The following RGS10 variants were observed in gnomAD, a reference collection of about 807,000 sequenced individuals.
RGS10 encodes the protein regulator of G-protein signalling 10.
Under a neutral mutation model 23.5 loss-of-function variants are expected in RGS10, and 11 were observed. That is an observed-to-expected ratio of 0.47 (90% confidence interval 0.29 to 0.77). The LOEUF is 0.77. Ranked by LOEUF, RGS10 falls within the 30% of genes least tolerant of loss-of-function variation. The pLI, the probability that RGS10 is intolerant of heterozygous loss-of-function variation, is 0.08. For synonymous variants in RGS10, 77 were observed against 83.2 expected (o/e 0.92, Z 0.41); for missense variants, 180 against 226.3 (o/e 0.80, Z 1.31).
intron 4 of RGS10, among the ~76,000 whole-genome samples, chr10:119,511,343 C>T (rs1844074201): frequency 6.6e-6 from 1 of 152,096 alleles, no homozygotes; most frequent in Admixed American, 6.6e-5. Flanking sequence ...TGGCTGGACA[C>T]AGTAGTAGCT....
At position 119,521,418 on chromosome 10, in the gene RGS10, A is replaced by G. The variant is rs534568464; in HGVS notation, c.255+4614T>C. Among the ~76,000 whole-genome samples the G allele has an allele frequency of 1.3e-4, 20 of 152,036 alleles. 1 individual carries two copies. The South Asian group carries it at 3.1e-3, about 24-fold the overall frequency. The stretch of plus-strand genomic sequence containing the variant: ...AAACCCCATCTCTACTAAAAATACA[A>G]AATTAGCTGGGTGTGTTGGAGGGTG... On this transcript the variant is annotated intron_variant, in intron 3 of 4. Transcript: ENST00000369103.
chr10:119,501,748 T>A (rs3009904), intron 4 of RGS10, among the ~76,000 whole-genome samples: 150,579 of 152,018 alleles, frequency 0.99, 74,590 homozygotes, highest in Middle Eastern at 1. Context: ...AAATAAAAAT[T>A]AAAAATAAAA....
intron 1 of RGS10, among the ~76,000 whole-genome samples, chr10:119,529,974 C>T (rs1422888704): frequency 6.6e-6 from 1 of 152,070 alleles, no homozygotes; most frequent in Non-Finnish European, 1.5e-5. Context: ...TGTCTGTAAT[C>T]CCAGCTACCA....
chr10:119,506,231 A>T lies in RGS10; in HGVS notation c.400-5972T>A, dbSNP rs532604612. Reference sequence around the variant, plus strand: ...TAAAGTGAAGACCACCTCCCTCTCAAGTGGGAACGGGCTGCACCCAGGAGG... The same window carrying T: ...TAAAGTGAAGACCACCTCCCTCTCATGTGGGAACGGGCTGCACCCAGGAGG... On this transcript the variant is annotated intron_variant, in intron 4 of 4. Transcript: ENST00000369103. Among the ~76,000 whole-genome samples the T allele has an allele frequency of 2.6e-5, 4 of 152,346 alleles. No homozygotes were observed. The East Asian group carries it at 7.7e-4, about 29-fold the overall frequency.
At chr10:119,534,676 G>A (rs1844368694) in intron 1 of RGS10, among the ~76,000 whole-genome samples, 1 of 150,920 alleles carries the variant, frequency 6.6e-6, no homozygotes, top group Admixed American at 6.6e-5. Flanking sequence ...AGATCACGAG[G>A]TCAAGAGATC....
intron 1 of RGS10, among the ~76,000 whole-genome samples, chr10:119,537,191 G>T (rs1186927064): frequency 6.6e-6 from 1 of 152,042 alleles, no homozygotes; most frequent in African/African-American, 2.4e-5. Context: ...TCGGGAGTTT[G>T]AGACCAGCCC....
chr10:119,500,212 A>G lies in RGS10; in HGVS notation c.447T>C (p.Ser149=). The G allele has an allele frequency of 1.2e-6, 2 of 1,614,092 alleles. No individual in the cohort carries two copies. Among genetic ancestry groups the G allele is most frequent in the Middle Eastern group, 1.6e-4 (1 of 6,062 alleles). ...KYDSYSRFLK[S]DLFLKHKRTE... ...TTCGCTTGTGTTTTAAAAACAAGTC[A>G]GACTTTAAGAAGCGGCTGTAGCTGT... The change falls in exon 5 of 5, where the codon TCT becomes TCC. Residue 149 remains serine (S), a synonymous_variant. Coordinates refer to ENST00000369103, the MANE Select transcript of RGS10 (RefSeq NM_001005339.2).
At chr10:119,529,861 A>G (rs543279544) in intron 1 of RGS10, among the ~76,000 whole-genome samples, 5 of 152,210 alleles carry the variant, frequency 3.3e-5, no homozygotes, top group Non-Finnish European at 5.9e-5. Flanking sequence ...TGGGAGGCCG[A>G]GGCAGGCAGA....
chr10:119,508,765 A>T (rs928940094), intron 4 of RGS10, among the ~76,000 whole-genome samples: 16 of 152,148 alleles, frequency 1.1e-4, no homozygotes, highest in Admixed American at 5.9e-4. Flanking sequence ...TCTTTTCTTT[A>T]TCTTAACAAT....
At chr10:119,523,162 C>T (rs1213786761) in intron 3 of RGS10, among the ~76,000 whole-genome samples, 3 of 152,112 alleles carry the variant, frequency 2.0e-5, no homozygotes, top group African/African-American at 7.2e-5. Context: ...CTCGGGCGAG[C>T]TGCCGCTTAA....
intron 3 of RGS10, among the ~76,000 whole-genome samples, chr10:119,518,922 T>A (rs1844177476): frequency 6.6e-6 from 1 of 152,134 alleles, no homozygotes; most frequent in African/African-American, 2.4e-5. Flanking sequence ...GCCAGGCTGC[T>A]CTCGAACTCC....
chr10:119,515,344 C>A, intron 4 of RGS10, 165 bp downstream of exon 4: 1 of 753,438 alleles, frequency 1.3e-6, no homozygotes. Flanking sequence ...GCTTAGAATT[C>A]TGGTCCCCAC....
chr10:119,518,524 C>T (rs1309887207), intron 3 of RGS10, among the ~76,000 whole-genome samples: 1 of 152,182 alleles, frequency 6.6e-6, no homozygotes, highest in African/African-American at 2.4e-5. Flanking sequence ...ACTTTCCTAT[C>T]AGCCCCAGAA....
intron 1 of RGS10, among the ~76,000 whole-genome samples, chr10:119,535,748 C>T (rs1344227299): frequency 1.3e-5 from 2 of 152,224 alleles, no homozygotes; most frequent in Non-Finnish European, 2.9e-5. Context: ...CCCCCAAACT[C>T]ACAGACTATT....
intron 1 of RGS10, among the ~76,000 whole-genome samples, chr10:119,532,301 A>G (rs1301663901): frequency 6.6e-6 from 1 of 152,140 alleles, no homozygotes; most frequent in Non-Finnish European, 1.5e-5. Context: ...CCAAGTCACT[A>G]TCCCCAGCCT....
chr10:119,500,256 A>C lies in RGS10; in HGVS notation c.403T>G (p.Phe135Val). 2 of 1,605,532 alleles carry C rather than the reference A, an allele frequency of 1.2e-6. No homozygotes were observed. The highest frequency in any genetic ancestry group is 8.5e-7 in the Non-Finnish European group (1 of 1,177,840). Residue 135 changes from phenylalanine (F) to valine (V), a missense_variant, in exon 5 of 5, where the codon TTT becomes GTT. Coordinates refer to ENST00000369103, the MANE Select transcript of RGS10 (RefSeq NM_001005339.2). ...LMFQKLQDQI[F>V]NLMKYDSYSR... ...TAGCTGTCGTACTTCATGAGATTAAAGATCTAAGGAGGAAAAGAAAAAAGA... is the reference window on the plus strand; with the variant it reads ...TAGCTGTCGTACTTCATGAGATTAACGATCTAAGGAGGAAAAGAAAAAAGA...
At chr10:119,528,503 C>T (rs1489468123) in intron 1 of RGS10, among the ~76,000 whole-genome samples, 5 of 152,100 alleles carry the variant, frequency 3.3e-5, no homozygotes, top group African/African-American at 7.2e-5. Context: ...ATTTAAACTT[C>T]GGATATTTGT....
chr10:119,523,047 C>A (rs185660962), intron 3 of RGS10, among the ~76,000 whole-genome samples: 1 of 149,988 alleles, frequency 6.7e-6, no homozygotes, highest in Admixed American at 6.7e-5. Context: ...GAGACAAGGT[C>A]TCACCATGTT....
At chr10:119,523,089 G>A (rs868639566) in intron 3 of RGS10, among the ~76,000 whole-genome samples, 1 of 151,420 alleles carries the variant, frequency 6.6e-6, no homozygotes, top group African/African-American at 2.4e-5. Flanking sequence ...CTGGGCTCAA[G>A]TGATCCACCC....
Sources: gnomAD v4.1 joint callset for allele counts (sites outside exome capture counted in the v4.1 genomes callset) on GRCh38, gnomAD v4.1.1 for gene constraint, MANE v1.5 for transcripts, NCBI Gene and HGNC (gene_info 2026-07-23, HGNC 2026-07-21) for gene names.